Variants in SMIM45 observed in about 807,000 individuals in gnomAD.
SMIM45 encodes the protein long intergenic non-protein coding RNA 634.
the SMIM45 span, among the ~76,000 whole-genome samples, chr22:41,955,688 C>G: frequency 6.6e-6 from 1 of 151,700 alleles, no homozygotes; most frequent in African/African-American, 2.4e-5. Context: ...CACCTGCAGT[C>G]CCAGCTACTC....
the SMIM45 span, among the ~76,000 whole-genome samples, chr22:41,947,669 CTTTTTT>C: frequency 8.0e-6 from 1 of 125,240 alleles, no homozygotes; most frequent in African/African-American, 3.0e-5. Flanking sequence ...GTGCCTGGCC[CTTTTTT>C]TTTTTTTTTT....
chr22:41,957,208 T>TC, the SMIM45 span, among the ~76,000 whole-genome samples: 9 of 139,340 alleles, frequency 6.5e-5, no homozygotes, highest in Non-Finnish European at 9.2e-5. Context: ...TTTTTTTTTT[T>TC]CCTGAGACGG....
At chr22:41,957,376 G>A in the SMIM45 span, among the ~76,000 whole-genome samples, 1 of 116,046 alleles carries the variant, frequency 8.6e-6, no homozygotes, top group African/African-American at 3.3e-5. Context: ...TTTTTTTTTT[G>A]TATTTTTAAT....
At chr22:41,946,953 G>T in the SMIM45 span, 1 of 1,519,192 alleles carries the variant, frequency 6.6e-7, no homozygotes, top group Non-Finnish European at 9.1e-7. Context: ...GAGCTCAGTT[G>T]ACCTAGTGGC....
chr22:41,949,377 C>G, the SMIM45 span, among the ~76,000 whole-genome samples: 8 of 152,098 alleles, frequency 5.3e-5, no homozygotes, highest in African/African-American at 1.9e-4. Flanking sequence ...AGAGGGGCCC[C>G]TTAAGTATGA....
chr22:41,957,518 C>G, the SMIM45 span, among the ~76,000 whole-genome samples: 13 of 152,194 alleles, frequency 8.5e-5, no homozygotes, highest in African/African-American at 2.9e-4. Flanking sequence ...TGGTCTTGAT[C>G]AGCCGCTTCC....
the SMIM45 span, among the ~76,000 whole-genome samples, chr22:41,948,849 C>T: frequency 6.6e-6 from 1 of 152,066 alleles, no homozygotes; most frequent in African/African-American, 2.4e-5. Context: ...GATCACCTGA[C>T]ATCAGGAGTT....
chr22:41,950,335 C>A, the SMIM45 span, among the ~76,000 whole-genome samples: 1 of 152,172 alleles, frequency 6.6e-6, no homozygotes, highest in Non-Finnish European at 1.5e-5. Context: ...CATACCTTCA[C>A]CCCAAAAAGT....
chr22:41,947,081 G>A, the SMIM45 span: 44 of 1,612,780 alleles, frequency 2.7e-5, no homozygotes, highest in Non-Finnish European at 3.4e-5. Context: ...CGACATCACA[G>A]CCGCAGGACC....
chr22:41,957,308 G>C, the SMIM45 span, among the ~76,000 whole-genome samples: 1 of 147,860 alleles, frequency 6.8e-6, no homozygotes, highest in African/African-American at 2.5e-5. Flanking sequence ...ATTCTCCTGC[G>C]TCAGCCTCCG....
the SMIM45 span, chr22:41,958,138 T>G: frequency 2.8e-6 from 1 of 351,556 alleles, no homozygotes; most frequent in African/African-American, 2.1e-5. Flanking sequence ...GAGCCCACCC[T>G]CCCAAGCTCA....
chr22:41,954,773 C>T, the SMIM45 span, among the ~76,000 whole-genome samples: 6 of 151,746 alleles, frequency 4.0e-5, no homozygotes, highest in East Asian at 3.9e-4. Context: ...TTTGGGAGTC[C>T]GAGGTTAGGA....
the SMIM45 span, among the ~76,000 whole-genome samples, chr22:41,954,602 G>A: frequency 6.6e-6 from 1 of 152,250 alleles, no homozygotes; most frequent in African/African-American, 2.4e-5. Flanking sequence ...ACTGCATAAT[G>A]TGCAGGCGCA....
At chr22:41,948,274 C>A in the SMIM45 span, among the ~76,000 whole-genome samples, 3 of 152,164 alleles carry the variant, frequency 2.0e-5, no homozygotes, top group Non-Finnish European at 4.4e-5. Context: ...GGATTACATT[C>A]ATCCATTCAT....
the SMIM45 span, among the ~76,000 whole-genome samples, chr22:41,949,213 C>G: frequency 6.6e-6 from 1 of 151,672 alleles, no homozygotes; most frequent in Non-Finnish European, 1.5e-5. Context: ...CCACTGCACT[C>G]CAGCCTGGGT....
At chr22:41,949,171 G>A in the SMIM45 span, among the ~76,000 whole-genome samples, 1 of 152,054 alleles carries the variant, frequency 6.6e-6, no homozygotes, top group East Asian at 1.9e-4. Flanking sequence ...CTTGAACCTG[G>A]GAGGCGGAGG....
the SMIM45 span, among the ~76,000 whole-genome samples, chr22:41,955,642 T>A: frequency 6.6e-6 from 1 of 151,836 alleles, no homozygotes; most frequent in African/African-American, 2.4e-5. Flanking sequence ...CCGTCTCTAC[T>A]AAAAATACAA....
chr22:41,950,515 T>C, the SMIM45 span, among the ~76,000 whole-genome samples: 9 of 150,764 alleles, frequency 6.0e-5, no homozygotes, highest in Non-Finnish European at 1.2e-4. Flanking sequence ...TTGGGCAATA[T>C]GGCAAAATCT....
At chr22:41,955,474 G>A in the SMIM45 span, among the ~76,000 whole-genome samples, 1 of 151,960 alleles carries the variant, frequency 6.6e-6, no homozygotes, top group African/African-American at 2.4e-5. Flanking sequence ...CCATTGGCCT[G>A]GTTGCAAAAT....
Sources: gnomAD v4.1 joint callset for allele counts (sites outside exome capture counted in the v4.1 genomes callset) on GRCh38, gnomAD v4.1.1 for gene constraint, MANE v1.5 for transcripts, NCBI Gene and HGNC (gene_info 2026-07-23, HGNC 2026-07-21) for gene names.